The following USP36 variants were observed in gnomAD, a reference collection of about 807,000 sequenced individuals.
USP36 encodes the protein ubiquitin carboxyl-terminal hydrolase 36.
A neutral mutation model predicts 111.5 loss-of-function variants in USP36; 59 were observed. That is an observed-to-expected ratio of 0.53 (90% CI 0.43 to 0.66). The LOEUF (loss-of-function observed/expected upper bound fraction) is 0.66. Among genes scored for constraint, USP36 ranks in the 30% least tolerant of loss-of-function variants. The pLI is 0.00. For missense variants in USP36, 1,488 were observed against 1,468.0 expected, an observed-to-expected ratio of 1.01 and a Z score of -0.22; for synonymous variants, 628 against 581.0, an observed-to-expected ratio of 1.08 and a Z score of -1.16.
chr17:78,795,397 T>TA (rs1441622620), downstream of USP36, among the ~76,000 whole-genome samples: 1 of 152,144 alleles, frequency 6.6e-6, no homozygotes, highest in African/African-American at 2.4e-5. This position sits in a 1 kb window ranked among gnomAD's most constrained non-coding sequence, Gnocchi z 4.5. Context: ...ACACATCAGG[T>TA]AACAGCTGCA....
chr17:78,795,009 GAAAAAAA>G (rs78492260), downstream of USP36, among the ~76,000 whole-genome samples: 1,864 of 115,516 alleles, frequency 0.016, 13 homozygotes, highest in Non-Finnish European at 0.024. The surrounding 1 kb of genome is among the most constrained non-coding windows in gnomAD (Gnocchi z 4.5). Context: ...CTCTGTTCGG[GAAAAAAA>G]AAAAAAAAAA....
At chr17:78,817,791 C>A (rs2145331851) in intron 10 of USP36, among the ~76,000 whole-genome samples, 1 of 151,814 alleles carries the variant, frequency 6.6e-6, no homozygotes, top group Non-Finnish European at 1.5e-5. Context: ...TATGAAAATG[C>A]CACTATAGGC....
Position 78,812,975 on chromosome 17 carries a change from T to A in USP36, c.1292A>T (p.Glu431Val), listed in dbSNP as rs1282046728. 1 of 1,614,070 alleles carries A rather than the reference T, an allele frequency of 6.2e-7. No homozygotes were observed. The highest frequency in any genetic ancestry group is 1.7e-5 in the Admixed American group (1 of 60,018). ...GGAGCCTGTCCTGGAGATGAGGCCC[T>A]CGGGACTTTTCTTAGAGCCTGGAAT... ...LRIPGSKKSP[E>V]GLISRTGSSS... Residue 431 changes from glutamate (E) to valine (V), a missense_variant, in exon 13 of 21, where the codon GAG becomes GTG. By Grantham distance (121) the Glu-to-Val change is moderately radical (BLOSUM62 -2). Coordinates refer to ENST00000449938, the MANE Select transcript of USP36 (RefSeq NM_001385174.1).
chr17:78,829,257 C>T (rs2067859078), intron 4 of USP36, among the ~76,000 whole-genome samples: 1 of 152,194 alleles, frequency 6.6e-6, no homozygotes, highest in African/African-American at 2.4e-5. Context: ...CCATCACAAC[C>T]TCACACCATC....
At chr17:78,829,228 T>C (rs899579764) in intron 4 of USP36, among the ~76,000 whole-genome samples, 2 of 152,164 alleles carry the variant, frequency 1.3e-5, no homozygotes, top group Non-Finnish European at 2.9e-5. Flanking sequence ...CTATGATCCA[T>C]CCAAAGCTGA....
chr17:78,835,959 T>C (rs2068626183), intron 3 of USP36, 152 bp downstream of exon 3: 1 of 1,104,786 alleles, frequency 9.1e-7, no homozygotes, highest in Non-Finnish European at 1.3e-6. Context: ...GTATCATTAC[T>C]TCTATAACTG....
At chr17:78,813,023 T>G in intron 12 of USP36, 22 bp from the exon 13 acceptor site, 1 of 1,613,304 alleles carries the variant, frequency 6.2e-7, no homozygotes, top group South Asian at 1.1e-5. Flanking sequence ...AGAAAACAAG[T>G]AGGGAATTCT....
rs2093625726 is a variant in USP36, at chr17:78,796,146, A to G, written c.*1754T>C. 1 of 152,192 alleles carries G rather than the reference A, an allele frequency of 6.6e-6. No homozygotes were observed. The highest frequency in any genetic ancestry group is 2.4e-5 in the African/African-American group (1 of 41,422). The allele number at this position is 152,192 out of a possible 1,614,324, so 9.4% of individuals were successfully genotyped here. ...AAAAGGTTTTACAGTTATCTAGTGG[A>G]GAAGGGAAGAGACTGATTTGGAGGA... On this transcript the variant is annotated 3_prime_UTR_variant, in exon 21 of 21. Transcript: ENST00000449938.
chr17:78,806,043 A>C, intron 15 of USP36, 113 bp downstream of exon 15: 6 of 1,563,026 alleles, frequency 3.8e-6, no homozygotes, highest in Non-Finnish European at 5.2e-6. Context: ...TGGCTGCCCC[A>C]ATGCTTTGTC....
In USP36 at chr17:78,802,291, C is replaced by T. The variant is rs138483624; in HGVS notation, c.3022+33G>A. 1.5e-3 allele frequency: 2,322 copies of T among 1,536,542 alleles called. 55 individuals are homozygous for T. In the African/African-American group the frequency reaches 0.03, roughly 20 times the overall value. ...CCCAACCCCTCGCCCGGTGCACACC[C>T]ATGCGGTTCCCACCCCCTCGCCCGG... On this transcript the variant is annotated intron_variant, in intron 17 of 20. Transcript: ENST00000449938.
intron 13 of USP36, among the ~76,000 whole-genome samples, chr17:78,810,895 C>T (rs938877562): frequency 3.3e-5 from 5 of 151,952 alleles, no homozygotes; most frequent in Admixed American, 6.6e-5. Context: ...GAGCGAATCA[C>T]TTGAGGTCAG....
intron 10 of USP36, among the ~76,000 whole-genome samples, chr17:78,817,089 T>C (rs752152272): frequency 6.6e-6 from 1 of 152,196 alleles, no homozygotes; most frequent in Admixed American, 6.5e-5. Context: ...ACCTTCTCTA[T>C]GTTTAGATAC....
chr17:78,788,038 CTG>C (rs1164046182), intron 3 of USP36, among the ~76,000 whole-genome samples: 2 of 152,228 alleles, frequency 1.3e-5, no homozygotes, highest in African/African-American at 4.8e-5. Context: ...CTCTCTGGCA[CTG>C]TGAGAGAACA....
intron 15 of USP36, 104 bp downstream of exon 15, chr17:78,806,052 T>A: frequency 6.3e-7 from 1 of 1,579,394 alleles, no homozygotes; most frequent in Non-Finnish European, 8.6e-7. Context: ...CAATGCTTTG[T>A]CTGTCCTGTG....
downstream of USP36, among the ~76,000 whole-genome samples, chr17:78,794,394 G>A (rs1411802468): frequency 2.0e-5 from 3 of 152,160 alleles, no homozygotes; most frequent in Admixed American, 1.3e-4. Context: ...GAGTCCTGCT[G>A]GCCAGCTCCC....
chr17:78,787,915 TA>T (rs2093549067), intron 3 of USP36, among the ~76,000 whole-genome samples: 1 of 152,152 alleles, frequency 6.6e-6, no homozygotes, highest in Non-Finnish European at 1.5e-5. Flanking sequence ...GAAAGATGGC[TA>T]CGTGAAGATG....
intron 17 of USP36, among the ~76,000 whole-genome samples, chr17:78,799,988 A>G (rs2093701011): frequency 6.7e-6 from 1 of 148,618 alleles, no homozygotes; most frequent in Non-Finnish European, 1.5e-5. Flanking sequence ...CTGGGATTAC[A>G]GGCATGAGCC....
chr17:78,827,150 A>G (rs1216754402), intron 6 of USP36, 95 bp downstream of exon 6: 1 of 1,204,868 alleles, frequency 8.3e-7, no homozygotes, highest in Non-Finnish European at 1.1e-6. Context: ...CTGGGTAGAA[A>G]GGTGCCGGGC....
chr17:78,793,902 T>TA (rs1381605398), downstream of USP36, among the ~76,000 whole-genome samples: 1 of 152,084 alleles, frequency 6.6e-6, no homozygotes, highest in Non-Finnish European at 1.5e-5. Context: ...CTCCCTGGGT[T>TA]CCCTGTACTG....
Sources: gnomAD v4.1 joint callset for allele counts (sites outside exome capture counted in the v4.1 genomes callset) on GRCh38, gnomAD v4.1.1 for gene constraint, Gnocchi (gnomAD v3.1) non-coding constraint, MANE v1.5 for transcripts, NCBI Gene and HGNC (gene_info 2026-07-23, HGNC 2026-07-21) for gene names.